Variants in TNIP3 observed in about 807,000 individuals in gnomAD.
TNIP3 encodes the protein TNFAIP3 interacting protein 3, also known as TNFAIP3-interacting protein 3.
A neutral mutation model predicts 54.1 loss-of-function variants in TNIP3; 34 were observed. The observed-to-expected ratio is 0.63, with a 90% CI of 0.48 to 0.84. The LOEUF (loss-of-function observed/expected upper bound fraction) is 0.84, where lower values mean the gene tolerates loss of function less well. Among genes scored for constraint, TNIP3 ranks in the 40% least tolerant of loss-of-function variants. TNIP3 has a pLI of 0.00. For missense variants in TNIP3, 366 were observed against 387.6 expected (o/e 0.94, Z 0.47); for synonymous variants, 134 against 136.8 (o/e 0.98, Z 0.14).
At chr4:121,136,236 C>T (rs1457057584) in intron 10 of TNIP3, among the ~76,000 whole-genome samples, 4 of 152,120 alleles carry the variant, frequency 2.6e-5, no homozygotes, top group Non-Finnish European at 5.9e-5. Context: ...TGAGTTCACA[C>T]AAAGATGAGA....
chr4:121,156,661 C>A lies in TNIP3; in HGVS notation c.363+433G>T, dbSNP rs571376719. ...CAGAAGTAAGACCTCATATATAAAT[C>A]TCTCTGTAAGCTTGAAAAGCTACTG... is the stretch of plus-strand genomic sequence containing the variant. On this transcript the variant is annotated intron_variant, in intron 4 of 10. Coordinates refer to ENST00000057513, the MANE Select transcript of TNIP3 (RefSeq NM_024873.6). Among the ~76,000 whole-genome samples the A allele has an allele frequency of 2.6e-5, 4 of 152,260 alleles. No homozygotes were observed. In the South Asian group the frequency reaches 6.2e-4, roughly 24 times the overall value.
At chr4:121,133,748 T>C (rs1010060532) in intron 10 of TNIP3, among the ~76,000 whole-genome samples, 2 of 152,206 alleles carry the variant, frequency 1.3e-5, no homozygotes, top group Non-Finnish European at 2.9e-5. Flanking sequence ...TCCCTAAATG[T>C]ACAGTGAAGG....
chr4:121,151,734 TC>T (rs1157400827), intron 5 of TNIP3, among the ~76,000 whole-genome samples: 1 of 152,188 alleles, frequency 6.6e-6, no homozygotes, highest in East Asian at 1.9e-4. Context: ...ATTTGAATTT[TC>T]TGATCTACTT....
chr4:121,137,650 A>C (rs1167486212), intron 10 of TNIP3: 2 of 249,600 alleles, frequency 8.0e-6, no homozygotes, highest in African/African-American at 4.5e-5. Context: ...ACAACCTGCA[A>C]AACTACATGT....
At chr4:121,155,652 T>C (rs1579402626) in intron 4 of TNIP3, among the ~76,000 whole-genome samples, 1 of 152,162 alleles carries the variant, frequency 6.6e-6, no homozygotes, top group East Asian at 1.9e-4. Flanking sequence ...ATTCAGACAA[T>C]ATCTCCTACC....
At chr4:121,150,747 C>T (rs948727618) in intron 5 of TNIP3, among the ~76,000 whole-genome samples, 7 of 152,188 alleles carry the variant, frequency 4.6e-5, no homozygotes, top group Admixed American at 3.9e-4. Flanking sequence ...TATGGCATGC[C>T]TCCAACAAGA....
At chr4:121,179,173 G>T (rs77790529) in intron 3 of TNIP3, among the ~76,000 whole-genome samples, 3,994 of 152,284 alleles carry the variant, frequency 0.026, 87 homozygotes, top group Admixed American at 0.037. Flanking sequence ...AAAGGCTTAT[G>T]GGTAGCTAGA....
rs572941672 is a variant in TNIP3 at position 121,194,243 on chromosome 4, G to C, written c.69-11447C>G. ...ACAAAGCAGACTTTAAACTTTCAGT[G>C]GTAACTTATTTCCAAATGGCTGAGG... On this transcript the variant is annotated intron_variant, in intron 2 of 12. Coordinates refer to the TNIP3 transcript ENST00000507879. Among the ~76,000 whole-genome samples the C allele has an allele frequency of 4.6e-5, 7 of 151,994 alleles. No individual in the cohort carries two copies. In the South Asian group the frequency reaches 1.5e-3, roughly 32 times the overall value.
At chr4:121,148,181 G>A (rs1729541327) in intron 6 of TNIP3, among the ~76,000 whole-genome samples, 1 of 152,188 alleles carries the variant, frequency 6.6e-6, no homozygotes, top group Non-Finnish European at 1.5e-5. Flanking sequence ...ACTTTAGTCA[G>A]GTAGGGGCCA....
chr4:121,223,774 C>G (rs1727144306), intron 1 of TNIP3, among the ~76,000 whole-genome samples: 1 of 152,174 alleles, frequency 6.6e-6, no homozygotes, highest in Non-Finnish European at 1.5e-5. Flanking sequence ...AGTTTTTCTA[C>G]TCCTGTCAAC....
chr4:121,216,809 G>C (rs1726813682), upstream of TNIP3, among the ~76,000 whole-genome samples: 1 of 152,138 alleles, frequency 6.6e-6, no homozygotes, highest in Admixed American at 6.5e-5. Context: ...CTAATACATA[G>C]AGCATGAACG....
At chr4:121,137,940 T>C (rs1728883774) in intron 10 of TNIP3, 2 of 456,212 alleles carry the variant, frequency 4.4e-6, no homozygotes, top group Middle Eastern at 3.3e-4. Context: ...ATTTTGATTA[T>C]AGCTCAGTTT....
At chr4:121,148,915 A>C (rs1003196130) in intron 6 of TNIP3, among the ~76,000 whole-genome samples, 2 of 152,182 alleles carry the variant, frequency 1.3e-5, no homozygotes, top group Non-Finnish European at 2.9e-5. Flanking sequence ...CCTTTGTTCT[A>C]TGACACCCTG....
chr4:121,157,776 A>C (rs1180359422), intron 3 of TNIP3, among the ~76,000 whole-genome samples: 1 of 152,212 alleles, frequency 6.6e-6, no homozygotes, highest in Non-Finnish European at 1.5e-5. Context: ...AGATGGATGC[A>C]TCTTCCAAGA....
At chr4:121,182,698 T>C (rs188660555) in exon 3 of TNIP3, 1 of 1,534,126 alleles carries the variant, frequency 6.5e-7, no homozygotes, top group East Asian at 2.4e-5. Flanking sequence ...TAGATTTCTG[T>C]GAGTTGGCAT....
At chr4:121,167,010 A>G (rs1182584259), upstream of TNIP3, among the ~76,000 whole-genome samples, 1 of 152,158 alleles carries the variant, frequency 6.6e-6, no homozygotes, top group African/African-American at 2.4e-5. Context: ...ACAATGGGAT[A>G]GTAATAGTAT....
rs527734292 is a variant in TNIP3 at position 121,159,192 on chromosome 4, G to A, written c.148-440C>T. On this transcript the variant is annotated intron_variant, in intron 2 of 10. Transcript: ENST00000057513. Reference sequence around the variant, plus strand: ...CAGGAGGTGGAGGTTGCAGTGAGCCGAGATTGTGCCACTGCACTCCATCCT... The same window carrying A: ...CAGGAGGTGGAGGTTGCAGTGAGCCAAGATTGTGCCACTGCACTCCATCCT... Among the ~76,000 whole-genome samples the A allele has an allele frequency of 4.6e-3, 695 of 152,214 alleles. 3 individuals are homozygous for A. Among genetic ancestry groups the A allele is most frequent in the African/African-American group, 0.016 (647 of 41,536 alleles).
intron 3 of TNIP3, among the ~76,000 whole-genome samples, chr4:121,181,986 A>G (rs1439043642): frequency 1.3e-5 from 2 of 152,180 alleles, no homozygotes; most frequent in African/African-American, 4.8e-5. Flanking sequence ...AGAAGTATAA[A>G]TTACTTTTTA....
upstream of TNIP3, among the ~76,000 whole-genome samples, chr4:121,221,422 C>T (rs1311075152): frequency 1.3e-5 from 2 of 152,126 alleles, no homozygotes; most frequent in Admixed American, 6.5e-5. Flanking sequence ...CCTAAATTTA[C>T]AAGCACAAAG....
Sources: allele counts gnomAD v4.1 joint callset (sites outside exome capture counted in the v4.1 genomes callset), GRCh38; gene constraint gnomAD v4.1.1; transcripts MANE v1.5; gene names NCBI Gene and HGNC (gene_info 2026-07-23, HGNC 2026-07-21).